The following SPAG16 variants were observed in gnomAD, a reference collection of about 807,000 sequenced individuals.
The protein encoded by SPAG16 is sperm associated antigen 16.
Under a neutral mutation model 80.4 loss-of-function variants are expected in SPAG16, and 86 were observed. The ratio of observed to expected loss-of-function variants is 1.07; its 90% CI spans 0.90 to 1.28. The LOEUF is 1.28. Among genes scored for constraint, SPAG16 ranks in the 50% most tolerant of loss-of-function variants. The probability of loss-of-function intolerance (pLI) is 0.00; values close to 1 mark genes in which losing one functional copy is unlikely to be tolerated. For missense variants in SPAG16, 870 were observed against 765.3 expected (o/e 1.14, Z -1.61); for synonymous variants, 294 against 265.9 (o/e 1.11, Z -1.03).
At chr2:214,022,232 G>GA (rs2047909410) in intron 13 of SPAG16, among the ~76,000 whole-genome samples, 1 of 151,904 alleles carries the variant, frequency 6.6e-6, no homozygotes, top group Admixed American at 6.6e-5. Context: ...AGATATGCTT[G>GA]AAAAAAATCA....
intron 13 of SPAG16, among the ~76,000 whole-genome samples, chr2:214,056,707 T>C (rs34481835): frequency 0.1 from 15,295 of 152,164 alleles, 892 homozygotes; most frequent in East Asian, 0.23. Context: ...ATAGACTGAC[T>C]CTTTGATAAA....
At chr2:214,018,686 T>C (rs1301370962) in intron 13 of SPAG16, among the ~76,000 whole-genome samples, 1 of 152,192 alleles carries the variant, frequency 6.6e-6, no homozygotes, top group Non-Finnish European at 1.5e-5. Flanking sequence ...TTTCTTCTAT[T>C]AGTGAAGCAG....
chr2:213,666,414 A>G (rs2063604579), intron 10 of SPAG16, among the ~76,000 whole-genome samples: 1 of 152,082 alleles, frequency 6.6e-6, no homozygotes, highest in African/African-American at 2.4e-5. Context: ...TGACACTGCG[A>G]AAGAAAAGAT....
At chr2:213,899,827 T>C (rs1440792870) in intron 11 of SPAG16, among the ~76,000 whole-genome samples, 2 of 152,142 alleles carry the variant, frequency 1.3e-5, no homozygotes. Flanking sequence ...AGAGGTTTTT[T>C]TCTATTTTTA....
chr2:213,578,548 T>C (rs1412298451), intron 10 of SPAG16, among the ~76,000 whole-genome samples: 1 of 152,130 alleles, frequency 6.6e-6, no homozygotes, highest in Non-Finnish European at 1.5e-5. Context: ...AGTAAATCCT[T>C]ATTTTATGAA....
chr2:213,994,577 C>CTTTTT (rs5838404), intron 12 of SPAG16, among the ~76,000 whole-genome samples: 1 of 139,112 alleles, frequency 7.2e-6, no homozygotes, highest in South Asian at 2.3e-4. Flanking sequence ...ATTTTCCATC[C>CTTTTT]TTTTTTTTTT....
At chr2:213,801,108 T>C (rs1378022832) in intron 10 of SPAG16, among the ~76,000 whole-genome samples, 1 of 152,220 alleles carries the variant, frequency 6.6e-6, no homozygotes, top group Non-Finnish European at 1.5e-5. Context: ...CATTTGTAAG[T>C]GTTCATATGT....
At chr2:214,024,639 T>C (rs2048042393) in intron 13 of SPAG16, among the ~76,000 whole-genome samples, 1 of 151,608 alleles carries the variant, frequency 6.6e-6, no homozygotes, top group Non-Finnish European at 1.5e-5. Context: ...CAGTGAGTAT[T>C]TCTTCCTTTT....
At chr2:213,527,086 C>G (rs1328357136) in intron 10 of SPAG16, among the ~76,000 whole-genome samples, 1 of 152,184 alleles carries the variant, frequency 6.6e-6, no homozygotes, top group Non-Finnish European at 1.5e-5. Flanking sequence ...TTAAAGCTAT[C>G]TCTGCCATGG....
intron 13 of SPAG16, among the ~76,000 whole-genome samples, chr2:214,064,200 A>G (rs2050421920): frequency 1.3e-5 from 2 of 152,168 alleles, no homozygotes. Flanking sequence ...AGAAAGCATA[A>G]TATCTAGTTG....
In SPAG16 at chr2:213,916,573, T is replaced by C. The variant is rs149356016; in HGVS notation, c.1215-13387T>C. ...GATGCCTCCAGCTTTGAAATTCCCT[T>C]TATAAAACCTTCAGATCTTGTGAGA... On this transcript the variant is annotated intron_variant, in intron 11 of 15. Coordinates refer to ENST00000331683, the MANE Select transcript of SPAG16 (RefSeq NM_024532.5). Among the ~76,000 whole-genome samples, 22 of 152,010 alleles carry C rather than the reference T, an allele frequency of 1.4e-4. 1 individual carries two copies. The highest frequency in any genetic ancestry group is 1.2e-3 in the South Asian group (6 of 4,812).
chr2:213,926,712 T>C (rs1175255512), intron 11 of SPAG16, among the ~76,000 whole-genome samples: 2 of 152,226 alleles, frequency 1.3e-5, no homozygotes, highest in African/African-American at 4.8e-5. Context: ...ACTTTACTTA[T>C]AGTTATATTT....
intron 10 of SPAG16, among the ~76,000 whole-genome samples, chr2:213,559,574 T>G (rs1377195112): frequency 6.6e-6 from 1 of 152,192 alleles, no homozygotes; most frequent in Non-Finnish European, 1.5e-5. Flanking sequence ...TTATAAAACA[T>G]TTTCTCAATA....
intron 3 of SPAG16, among the ~76,000 whole-genome samples, chr2:213,308,790 G>T (rs556322975): frequency 6.6e-6 from 1 of 152,208 alleles, no homozygotes; most frequent in African/African-American, 2.4e-5. Flanking sequence ...GGACAGTAAT[G>T]AAGACATTTA....
intron 9 of SPAG16, among the ~76,000 whole-genome samples, chr2:213,431,344 A>G (rs1030903743): frequency 6.6e-6 from 1 of 152,106 alleles, no homozygotes; most frequent in African/African-American, 2.4e-5. Flanking sequence ...CTTAAAAGAT[A>G]TAGATTGGCA....
chr2:213,421,243 C>A (rs530295722), intron 9 of SPAG16, among the ~76,000 whole-genome samples: 1 of 152,096 alleles, frequency 6.6e-6, no homozygotes, highest in African/African-American at 2.4e-5. Flanking sequence ...CACTTTGGGG[C>A]AGAGCAAAGT....
intron 11 of SPAG16, among the ~76,000 whole-genome samples, chr2:213,891,988 C>G (rs536838859): frequency 2.0e-5 from 3 of 152,226 alleles, no homozygotes; most frequent in Non-Finnish European, 4.4e-5. Flanking sequence ...ATAAATATCA[C>G]TGAGAATAGC....
chr2:213,724,422 T>A (rs1574947285), intron 10 of SPAG16, among the ~76,000 whole-genome samples: 1 of 152,072 alleles, frequency 6.6e-6, no homozygotes, highest in African/African-American at 2.4e-5. Flanking sequence ...GGAGACAATA[T>A]TTAAAATGCT....
At chr2:213,558,743 T>C (rs1166010244) in intron 10 of SPAG16, among the ~76,000 whole-genome samples, 1 of 152,096 alleles carries the variant, frequency 6.6e-6, no homozygotes, top group Non-Finnish European at 1.5e-5. Flanking sequence ...TTTAGTTAAT[T>C]TTACCTTTTT....
Sources: allele counts gnomAD v4.1 joint callset (sites outside exome capture counted in the v4.1 genomes callset), GRCh38; gene constraint gnomAD v4.1.1; transcripts MANE v1.5; gene names NCBI Gene and HGNC (gene_info 2026-07-23, HGNC 2026-07-21).